Variants in ARHGAP31 observed in about 807,000 individuals in gnomAD.
ARHGAP31 encodes the protein rho GTPase-activating protein 31.
ARHGAP31 carries 34 observed loss-of-function variants against 113.9 expected under a neutral mutation model. The ratio of observed to expected loss-of-function variants is 0.30; its 90% confidence interval spans 0.23 to 0.40. The LOEUF is 0.40. ARHGAP31 is among the 10% of genes least tolerant of loss of function. The probability of loss-of-function intolerance (pLI) is 1.00; values close to 1 mark genes in which losing one functional copy is unlikely to be tolerated. For synonymous variants in ARHGAP31, 650 were observed against 684.8 expected (o/e 0.95, Z 0.79); for missense variants, 1,548 against 1,767.1 (o/e 0.88, Z 2.22).
intron 1 of ARHGAP31, among the ~76,000 whole-genome samples, chr3:119,355,316 A>G (rs1391515517): frequency 6.6e-6 from 1 of 152,188 alleles, no homozygotes; most frequent in Non-Finnish European, 1.5e-5. Flanking sequence ...ATGCTATAAA[A>G]CAAACAAACA....
At chr3:119,376,806 T>C (rs17203062) in intron 3 of ARHGAP31, among the ~76,000 whole-genome samples, 7,029 of 151,328 alleles carry the variant, frequency 0.046, 319 homozygotes, top group Admixed American at 0.15. Flanking sequence ...ACTAACACCT[T>C]GCAACAGGCA....
chr3:119,366,645 G>T (rs2080254331), intron 2 of ARHGAP31, among the ~76,000 whole-genome samples: 1 of 152,088 alleles, frequency 6.6e-6, no homozygotes. Flanking sequence ...CAGTAGTAAT[G>T]AATTATTTTT....
intron 1 of ARHGAP31, among the ~76,000 whole-genome samples, chr3:119,319,448 C>A (rs2079763336): frequency 6.6e-6 from 1 of 151,934 alleles, no homozygotes; most frequent in Non-Finnish European, 1.5e-5. Context: ...TATTAAGAAA[C>A]CACGGTACAT....
chr3:119,399,762 A>G (rs962600050), intron 9 of ARHGAP31, among the ~76,000 whole-genome samples: 3 of 152,184 alleles, frequency 2.0e-5, no homozygotes, highest in Admixed American at 6.5e-5. Flanking sequence ...TTCATTTATT[A>G]TGTATCATTA....
Position 119,415,474 on chromosome 3 carries a change from G to A in ARHGAP31, c.3545G>A (p.Ser1182Asn), listed in dbSNP as rs375495965. ...LTGRRNSAPVSVSAVRTSFMV... is the reference protein window; with the variant it reads ...LTGRRNSAPVNVSAVRTSFMV... The stretch of plus-strand genomic sequence containing the variant: ...GGCCGCCGTAACTCAGCTCCTGTGA[G>A]TGTGTCAGCTGTGAGAACCTCCTTC... The change falls in exon 12 of 12, where the codon AGT (serine) becomes AAT (asparagine). Residue 1182 changes from serine (S) to asparagine (N), a missense_variant. Transcript: ENST00000264245. The A allele has an allele frequency of 1.4e-5, 22 of 1,614,088 alleles. No homozygotes were observed. Among genetic ancestry groups the A allele is most frequent in the East Asian group, 1.3e-4 (6 of 44,884 alleles).
chr3:119,366,760 A>G (rs796401231), intron 2 of ARHGAP31, among the ~76,000 whole-genome samples: 1 of 151,698 alleles, frequency 6.6e-6, no homozygotes. Flanking sequence ...TTCTCTTTTT[A>G]AAAGAGAACT....
chr3:119,311,799 C>T (rs1284688589), intron 1 of ARHGAP31, among the ~76,000 whole-genome samples: 3 of 152,272 alleles, frequency 2.0e-5, no homozygotes, highest in East Asian at 1.9e-4. Flanking sequence ...ATATGATGGA[C>T]GTATCTTCAA....
chr3:119,346,032 G>A (rs187107694), intron 1 of ARHGAP31, among the ~76,000 whole-genome samples: 36 of 152,250 alleles, frequency 2.4e-4, no homozygotes, highest in African/African-American at 8.2e-4. Context: ...CCTCTATTGG[G>A]TCCTGTAGCA....
intron 1 of ARHGAP31, among the ~76,000 whole-genome samples, chr3:119,345,346 C>T (rs139912142): frequency 3.3e-5 from 5 of 152,136 alleles, no homozygotes; most frequent in East Asian, 3.9e-4. Context: ...GAGCACAATC[C>T]GTAACTACAC....
At chr3:119,393,063 G>A (rs138501523) in intron 7 of ARHGAP31, among the ~76,000 whole-genome samples, 18 of 152,194 alleles carry the variant, frequency 1.2e-4, no homozygotes, top group African/African-American at 4.3e-4. Flanking sequence ...GCAAGATAGT[G>A]AGACCCCCAT....
At position 119,383,220 on chromosome 3, in the gene ARHGAP31, A is replaced by G. The variant is rs202118332; in HGVS notation, c.676A>G (p.Asn226Asp). Residue 226 changes from asparagine to aspartate, a missense_variant, in exon 6 of 12, where the codon AAT becomes GAT. Transcript: ENST00000264245. ...FNNGAPGSLE[N>D]DENRPIMKSL... ...CAACGGTGCACCTGGGTCTCTGGAG[A>G]ATGATGGTAAGGACTCCTCCTAGCA... 3.8e-5 allele frequency: 62 copies of G among 1,613,982 alleles called. No homozygotes were observed. Among genetic ancestry groups the G allele is most frequent in the Non-Finnish European group, 5.0e-5 (59 of 1,180,022 alleles).
At chr3:119,315,226 T>C (rs1343321623) in intron 1 of ARHGAP31, among the ~76,000 whole-genome samples, 1 of 152,262 alleles carries the variant, frequency 6.6e-6, no homozygotes, top group Non-Finnish European at 1.5e-5. Context: ...ATAATGTTTA[T>C]AGTTTGAAAA....
chr3:119,367,222 C>T (rs1241310220), intron 2 of ARHGAP31, among the ~76,000 whole-genome samples: 1 of 152,150 alleles, frequency 6.6e-6, no homozygotes, highest in African/African-American at 2.4e-5. Flanking sequence ...GGAGAATGGG[C>T]AGCGAGCTGT....
chr3:119,379,476 T>G (rs960667812), intron 3 of ARHGAP31, among the ~76,000 whole-genome samples: 1 of 152,228 alleles, frequency 6.6e-6, no homozygotes, highest in Non-Finnish European at 1.5e-5. Context: ...ATTCAGTATT[T>G]ACATGCAACA....
chr3:119,391,072 C>T (rs2080499969), intron 7 of ARHGAP31, 89 bp downstream of exon 7: 1 of 1,433,858 alleles, frequency 7.0e-7, no homozygotes, highest in South Asian at 1.2e-5. Flanking sequence ...ACCAAGATGG[C>T]AGTGTGGGTT....
intron 1 of ARHGAP31, chr3:119,330,052 GA>G (rs558724619): frequency 4.4e-4 from 424 of 955,494 alleles, no homozygotes; most frequent in Non-Finnish European, 5.1e-4. Flanking sequence ...TAGTGTGGTA[GA>G]TATTTCCATT....
rs951392869 is a variant in ARHGAP31 at position 119,417,780 on chromosome 3, T to C, written c.*1516T>C. Reference sequence around the variant, plus strand: ...CTGGCGAGAGAAAGGAGAACTAATATACCTGCTGGCAGATTTTTGGTGCTG... The same window carrying C: ...CTGGCGAGAGAAAGGAGAACTAATACACCTGCTGGCAGATTTTTGGTGCTG... On this transcript the variant is annotated 3_prime_UTR_variant, in exon 12 of 12. Transcript: ENST00000264245. The C allele has an allele frequency of 2.6e-5, 4 of 152,294 alleles. No individual in the cohort carries two copies. Among genetic ancestry groups the C allele is most frequent in the East Asian group, 1.9e-4 (1 of 5,172 alleles). The allele number at this position is 152,294 out of a possible 1,614,324, so 9.4% of individuals were successfully genotyped here. A position where few individuals can be genotyped will look rare whatever the true frequency, so the allele number is the denominator to read the frequency against.
chr3:119,297,276 G>A (rs2079541870), intron 1 of ARHGAP31, among the ~76,000 whole-genome samples: 1 of 152,176 alleles, frequency 6.6e-6, no homozygotes, highest in Non-Finnish European at 1.5e-5. Flanking sequence ...TTGCTTCTTT[G>A]TGGACTCTCC....
At position 119,415,239 on chromosome 3, in the gene ARHGAP31, C is replaced by G. The variant is rs1361305343; in HGVS notation, c.3310C>G (p.Pro1104Ala). 2.5e-6 allele frequency: 4 copies of G among 1,614,080 alleles called. No individual in the cohort carries two copies. Among genetic ancestry groups the G allele is most frequent in the Non-Finnish European group, 3.4e-6 (4 of 1,180,036 alleles). Residue 1104 changes from proline to alanine, a missense_variant, in exon 12 of 12, where the codon CCT (proline) becomes GCT (alanine). Coordinates refer to ENST00000264245, the MANE Select transcript of ARHGAP31 (RefSeq NM_020754.4). ...ECGPPKGKNRPSSLNLDPAIP... is the reference protein window; with the variant it reads ...ECGPPKGKNRASSLNLDPAIP... ...TGGGCCCCCAAAAGGGAAAAACAGG[C>G]CTTCTTCCCTCAACTTGGACCCTGC...
Sources: gnomAD v4.1 joint callset for allele counts (sites outside exome capture counted in the v4.1 genomes callset) on GRCh38, gnomAD v4.1.1 for gene constraint, MANE v1.5 for transcripts, NCBI Gene and HGNC (gene_info 2026-07-23, HGNC 2026-07-21) for gene names.